Variants in PPIB observed in about 807,000 individuals in gnomAD.
The protein encoded by PPIB is peptidyl-prolyl cis-trans isomerase B.
PPIB carries 15 observed loss-of-function variants against 20.1 expected under a neutral mutation model. The observed-to-expected ratio is 0.75, with a 90% CI of 0.50 to 1.15. The LOEUF (loss-of-function observed/expected upper bound fraction) is 1.15, where lower values mean the gene tolerates loss of function less well. Among genes scored for constraint, PPIB ranks in the 50% most tolerant of loss-of-function variants. The pLI is 0.00. For missense variants in PPIB, 278 were observed against 283.0 expected (o/e 0.98, Z 0.13); for synonymous variants, 129 against 111.0 (o/e 1.16, Z -1.02).
rs144878175 is a variant in PPIB at position 64,159,620 on chromosome 15, T to G, written c.343+484A>C. The G allele has an allele frequency of 1.2e-4, 25 of 201,614 alleles. No homozygotes were observed. Among genetic ancestry groups the G allele is most frequent in the South Asian group, 4.2e-4 (5 of 11,872 alleles). 12.5% of individuals were successfully genotyped at this position (201,614 alleles called of 1,614,324 possible). A position where few individuals can be genotyped will look rare whatever the true frequency, so the allele number is the denominator to read the frequency against. ...TTTCAACATGTTGGCCAGGCTGGTC[T>G]TGAACTCCTGGCCTCAAGTGATCCA... On this transcript the variant is annotated intron_variant, in intron 3 of 4. Coordinates refer to ENST00000300026, the MANE Select transcript of PPIB (RefSeq NM_000942.5). The surrounding 1 kb of genome is among the most constrained non-coding windows in gnomAD (Gnocchi z 5.1).
chr15:64,156,575 A>G lies in PPIB; in HGVS notation c.528+150T>C. 1.0e-6 allele frequency: 1 copy of G among 982,500 alleles called. No individual in the cohort carries two copies. Among genetic ancestry groups the G allele is most frequent in the East Asian group, 2.4e-5 (1 of 41,910 alleles). The allele number at this position is 982,500 out of a possible 1,614,324, so 60.9% of individuals were successfully genotyped here. On this transcript the variant is annotated intron_variant, in intron 4 of 4. Coordinates refer to ENST00000300026, the MANE Select transcript of PPIB (RefSeq NM_000942.5). The surrounding 1 kb of genome is among the most constrained non-coding windows in gnomAD (Gnocchi z 6.4). ...TTTAGAACCTTGGAGGCATGGAGGT[A>G]CAGGGTTTATTCTGGACAGGAGCAC...
In PPIB at chr15:64,159,402, CTTTT is replaced by C. The variant is rs1224378544; in HGVS notation, c.343+698_343+701del. 6.5e-6 allele frequency: 1 copy of C among 153,376 alleles called. No homozygotes were observed. Among genetic ancestry groups the C allele is most frequent in the South Asian group, 2.1e-4 (1 of 4,878 alleles). The allele number at this position is 153,376 out of a possible 1,614,324, so 9.5% of individuals were successfully genotyped here. A position where few individuals can be genotyped will look rare whatever the true frequency, so the allele number is the denominator to read the frequency against. On this transcript the variant is annotated intron_variant, in intron 3 of 4. Transcript: ENST00000300026. This position sits in a 1 kb window ranked among gnomAD's most constrained non-coding sequence, Gnocchi z 5.1. Reference sequence around the variant, plus strand: ...GTCAAGGAAAGTAACTGCTCCCACTCTTTTTTTTATTTTTTTGAGATGGAGTCTC... The same window carrying C: ...GTCAAGGAAAGTAACTGCTCCCACTCTTTTATTTTTTTGAGATGGAGTCTC...
At position 64,155,913 on chromosome 15, in the gene PPIB, A is replaced by T; in HGVS notation, c.*110T>A. The T allele has an allele frequency of 6.6e-7, 1 of 1,521,786 alleles. No individual in the cohort carries two copies. The highest frequency in any genetic ancestry group is 1.1e-5 in the South Asian group (1 of 88,934). The allele number at this position is 1,521,786 out of a possible 1,614,324, so 94.3% of individuals were successfully genotyped here. ...CCATGGGCCTGTGGAATGTGAGGGG[A>T]GTGGGTCCGCTCCACCAGATGCCAG... is the stretch of plus-strand genomic sequence containing the variant. On this transcript the variant is annotated 3_prime_UTR_variant, in exon 5 of 5. Transcript: ENST00000300026.
rs117511166 is a variant in PPIB, at chr15:64,161,865, G to A, written c.249+176C>T. ...ATTTTAAGTGTGAGCCACTGTGCCT[G>A]GTCAGGGCCCCATTACTCTTAAGAA... On this transcript the variant is annotated intron_variant, in intron 2 of 4. Transcript: ENST00000300026. This position sits in a 1 kb window ranked among gnomAD's most constrained non-coding sequence, Gnocchi z 4.2. Among the ~76,000 whole-genome samples, 36 of 152,266 alleles carry A rather than the reference G, an allele frequency of 2.4e-4. No homozygotes were observed. In the East Asian group the frequency reaches 6.9e-3, roughly 29 times the overall value.
Position 64,155,997 on chromosome 15 carries a change from C to T in PPIB, c.*26G>A, listed in dbSNP as rs927810757. ...GGACTACAGGGCCTGCACAGACGGT[C>T]ACTCAAAGAAAGATGTCCCTGTGCC... On this transcript the variant is annotated 3_prime_UTR_variant, in exon 5 of 5. Coordinates refer to ENST00000300026, the MANE Select transcript of PPIB (RefSeq NM_000942.5). 2.5e-6 allele frequency: 4 copies of T among 1,613,952 alleles called. No individual in the cohort carries two copies. The highest frequency in any genetic ancestry group is 3.4e-6 in the Non-Finnish European group (4 of 1,180,002).
chr15:64,156,261 A>T lies in PPIB; in HGVS notation c.529-116T>A, dbSNP rs41434449. ...AAGACCCACAAGTGATCAACAGCAC[A>T]CAAAACTGGAGGCACCAAAATTCTA... On this transcript the variant is annotated intron_variant, in intron 4 of 4. Coordinates refer to ENST00000300026, the MANE Select transcript of PPIB (RefSeq NM_000942.5). This position sits in a 1 kb window ranked among gnomAD's most constrained non-coding sequence, Gnocchi z 6.4. 0.11 allele frequency: 157,017 copies of T among 1,373,236 alleles called. 10,396 individuals are homozygous for T. The highest frequency in any genetic ancestry group is 0.13 in the Non-Finnish European group (132,035 of 985,552). The allele number at this position is 1,373,236 out of a possible 1,614,324, so 85.1% of individuals were successfully genotyped here. A position where few individuals can be genotyped will look rare whatever the true frequency, so the allele number is the denominator to read the frequency against.
At position 64,160,665 on chromosome 15, in the gene PPIB, A is replaced by C. The variant is rs567832936; in HGVS notation, c.250-468T>G. Among the ~76,000 whole-genome samples the C allele has an allele frequency of 2.0e-4, 30 of 152,204 alleles. No individual in the cohort carries two copies. Among genetic ancestry groups the C allele is most frequent in the African/African-American group, 7.0e-4 (29 of 41,530 alleles). On this transcript the variant is annotated intron_variant, in intron 2 of 4. Transcript: ENST00000300026. This position sits in a 1 kb window ranked among gnomAD's most constrained non-coding sequence, Gnocchi z 4.8. Reference sequence around the variant, plus strand: ...TTTAAATTTTATTATTATTTTTTTGAGACAGAGTTTCTCTCTTGTCACCCA... The same window carrying C: ...TTTAAATTTTATTATTATTTTTTTGCGACAGAGTTTCTCTCTTGTCACCCA...
In PPIB at chr15:64,160,438, A is replaced by G. The variant is rs2081558944; in HGVS notation, c.250-241T>C. 6.6e-6 allele frequency among the ~76,000 whole-genome samples: 1 copy of G among 152,198 alleles called. No homozygotes were observed. Among genetic ancestry groups the G allele is most frequent in the African/African-American group, 2.4e-5 (1 of 41,452 alleles). On this transcript the variant is annotated intron_variant, in intron 2 of 4. Transcript: ENST00000300026. The surrounding 1 kb of genome is among the most constrained non-coding windows in gnomAD (Gnocchi z 4.8). ...ATTCCCAAGCTTTATACAATTCTAC[A>G]TCACATAATGCTTTTCCCCTCATTT...
In PPIB at chr15:64,160,600, C is replaced by T. The variant is rs2081559403; in HGVS notation, c.250-403G>A. ...TGCCCTCACCCTAGGTGAAGTCTCC[C>T]CAGGAAGCTCTGGACCCCTTACTCT... On this transcript the variant is annotated intron_variant, in intron 2 of 4. Coordinates refer to ENST00000300026, the MANE Select transcript of PPIB (RefSeq NM_000942.5). This position sits in a 1 kb window ranked among gnomAD's most constrained non-coding sequence, Gnocchi z 4.8. Among the ~76,000 whole-genome samples, 1 of 152,184 alleles carries T rather than the reference C, an allele frequency of 6.6e-6. No individual in the cohort carries two copies. The highest frequency in any genetic ancestry group is 1.5e-5 in the Non-Finnish European group (1 of 68,028).
chr15:64,162,167 A>G lies in PPIB; in HGVS notation c.136-13T>C. On this transcript the variant is annotated splice_polypyrimidine_tract_variant and intron_variant, in intron 1 of 4. Transcript: ENST00000300026. ...GGTCAAAATACACCTGAGGAAAGAG[A>G]CCATTTCCAACTTAGCTTCTTTAAA... The G allele has an allele frequency of 6.3e-7, 1 of 1,584,242 alleles. No individual in the cohort carries two copies. The highest frequency in any genetic ancestry group is 1.7e-5 in the Admixed American group (1 of 59,974).
At position 64,158,313 on chromosome 15, in the gene PPIB, A is replaced by T. The variant is rs2081546961; in HGVS notation, c.344-1404T>A. ...AGCCAGAGACTGTTCCAAGCATCTT[A>T]CATATTTAACAATCCACTCTATGAG... On this transcript the variant is annotated intron_variant, in intron 3 of 4. Transcript: ENST00000300026. This position sits in a 1 kb window ranked among gnomAD's most constrained non-coding sequence, Gnocchi z 4.7. 6.6e-6 allele frequency among the ~76,000 whole-genome samples: 1 copy of T among 152,188 alleles called. No individual in the cohort carries two copies. The highest frequency in any genetic ancestry group is 1.5e-5 in the Non-Finnish European group (1 of 68,026).
Position 64,163,021 on chromosome 15 carries a change from A to T in PPIB, c.-35T>A, listed in dbSNP as rs955708072. On this transcript the variant is annotated 5_prime_UTR_variant, in exon 1 of 5. Transcript: ENST00000300026. ...GAGGCGAAAGCAGCCCGGACAGCTGAGGCCGGAAGAGGGTGGGGCCGCGGT... is the reference window on the plus strand; with the variant it reads ...GAGGCGAAAGCAGCCCGGACAGCTGTGGCCGGAAGAGGGTGGGGCCGCGGT... 10 of 1,492,236 alleles carry T rather than the reference A, an allele frequency of 6.7e-6. No individual in the cohort carries two copies. Among genetic ancestry groups the T allele is most frequent in the Non-Finnish European group, 9.1e-6 (10 of 1,103,860 alleles). The allele number at this position is 1,492,236 out of a possible 1,614,324, so 92.4% of individuals were successfully genotyped here. A position where few individuals can be genotyped will look rare whatever the true frequency, so the allele number is the denominator to read the frequency against.
rs542911687 is a variant in PPIB at position 64,160,295 on chromosome 15, G to A, written c.250-98C>T. The A allele has an allele frequency of 4.2e-4, 415 of 988,158 alleles. No individual in the cohort carries two copies. Among genetic ancestry groups the A allele is most frequent in the Non-Finnish European group, 6.3e-4 (394 of 624,320 alleles). The allele number at this position is 988,158 out of a possible 1,614,324, so 61.2% of individuals were successfully genotyped here. A position where few individuals can be genotyped will look rare whatever the true frequency, so the allele number is the denominator to read the frequency against. On this transcript the variant is annotated intron_variant, in intron 2 of 4. Coordinates refer to ENST00000300026, the MANE Select transcript of PPIB (RefSeq NM_000942.5). This position sits in a 1 kb window ranked among gnomAD's most constrained non-coding sequence, Gnocchi z 4.8. ...AGGAACAAGTCCACAACTCCTGCTC[G>A]CAGAAGAGACACCACTGCTGACCAC...
In PPIB at chr15:64,159,842, G is replaced by C. The variant is rs972527057; in HGVS notation, c.343+262C>G. 1.8e-6 allele frequency: 1 copy of C among 571,276 alleles called. No individual in the cohort carries two copies. Among genetic ancestry groups the C allele is most frequent in the Non-Finnish European group, 3.1e-6 (1 of 318,754 alleles). The allele number at this position is 571,276 out of a possible 1,614,324, so 35.4% of individuals were successfully genotyped here. ...GAAGAGGTATCAGGAAAGGTCACCAGGCTATAGGCCTGGATCAGCAGGACG... is the reference window on the plus strand; with the variant it reads ...GAAGAGGTATCAGGAAAGGTCACCACGCTATAGGCCTGGATCAGCAGGACG... On this transcript the variant is annotated intron_variant, in intron 3 of 4. Coordinates refer to ENST00000300026, the MANE Select transcript of PPIB (RefSeq NM_000942.5). This position sits in a 1 kb window ranked among gnomAD's most constrained non-coding sequence, Gnocchi z 5.1.
chr15:64,160,055 T>G lies in PPIB; in HGVS notation c.343+49A>C. ...CCCCAGCAGAACCTGGCCCTCCCAC[T>G]GTGGAGGCTACACTGACATACTCCT... On this transcript the variant is annotated intron_variant, in intron 3 of 4. Coordinates refer to ENST00000300026, the MANE Select transcript of PPIB (RefSeq NM_000942.5). The surrounding 1 kb of genome is among the most constrained non-coding windows in gnomAD (Gnocchi z 4.8). 6.7e-7 allele frequency: 1 copy of G among 1,499,378 alleles called. No individual in the cohort carries two copies. 92.9% of individuals were successfully genotyped at this position (1,499,378 alleles called of 1,614,324 possible).
chr15:64,158,160 T>G lies in PPIB; in HGVS notation c.344-1251A>C, dbSNP rs150852091. Reference sequence around the variant, plus strand: ...CATCTTTCTCTCCAGACCTCAGTTATTCTTTTGACCCCTTTTCCTCTGCAC... The same window carrying G: ...CATCTTTCTCTCCAGACCTCAGTTAGTCTTTTGACCCCTTTTCCTCTGCAC... On this transcript the variant is annotated intron_variant, in intron 3 of 4. Transcript: ENST00000300026. The surrounding 1 kb of genome is among the most constrained non-coding windows in gnomAD (Gnocchi z 4.7). Among the ~76,000 whole-genome samples, 4 of 152,350 alleles carry G rather than the reference T, an allele frequency of 2.6e-5. No individual in the cohort carries two copies. In the East Asian group the frequency reaches 7.7e-4, roughly 29 times the overall value.
In PPIB at chr15:64,156,380, TGAG is replaced by T. The variant is rs1335063170; in HGVS notation, c.529-238_529-236del. Reference sequence around the variant, plus strand: ...AGTAAGACCCAGGTTGGGCCAAGGGTGAGGAGGAGGAAGAGGGTGACCAGGGCA... The same window carrying T: ...AGTAAGACCCAGGTTGGGCCAAGGGTGAGGAGGAAGAGGGTGACCAGGGCA... On this transcript the variant is annotated intron_variant, in intron 4 of 4. Transcript: ENST00000300026. The surrounding 1 kb of genome is among the most constrained non-coding windows in gnomAD (Gnocchi z 6.4). 3.1e-6 allele frequency: 2 copies of T among 651,560 alleles called. No individual in the cohort carries two copies. The highest frequency in any genetic ancestry group is 1.8e-5 in the African/African-American group (1 of 55,242). 40.4% of individuals were successfully genotyped at this position (651,560 alleles called of 1,614,324 possible).
In PPIB at chr15:64,160,287, TC is replaced by T; in HGVS notation, c.250-91del. ...GGCCTCACAGGAACAAGTCCACAAC[TC>T]CTGCTCGCAGAAGAGACACCACTGC... On this transcript the variant is annotated intron_variant, in intron 2 of 4. Transcript: ENST00000300026. The surrounding 1 kb of genome is among the most constrained non-coding windows in gnomAD (Gnocchi z 4.8). The T allele has an allele frequency of 9.5e-7, 1 of 1,053,554 alleles. No homozygotes were observed. The highest frequency in any genetic ancestry group is 1.5e-6 in the Non-Finnish European group (1 of 679,496). The allele number at this position is 1,053,554 out of a possible 1,614,324, so 65.3% of individuals were successfully genotyped here.
chr15:64,158,554 T>C lies in PPIB; in HGVS notation c.343+1550A>G, dbSNP rs28720188. 0.012 allele frequency among the ~76,000 whole-genome samples: 1,824 copies of C among 152,274 alleles called. 37 individuals carry two copies. The highest frequency in any genetic ancestry group is 0.042 in the African/African-American group (1,752 of 41,556). The stretch of plus-strand genomic sequence containing the variant: ...CCTGCCCTAGCCTCCACATCCTGGA[T>C]CTGCCACCACATGACTCCCCTGGCA... On this transcript the variant is annotated intron_variant, in intron 3 of 4. Coordinates refer to ENST00000300026, the MANE Select transcript of PPIB (RefSeq NM_000942.5). The surrounding 1 kb of genome is among the most constrained non-coding windows in gnomAD (Gnocchi z 4.7).
Sources: gnomAD v4.1 joint callset for allele counts (sites outside exome capture counted in the v4.1 genomes callset) on GRCh38, gnomAD v4.1.1 for gene constraint, Gnocchi (gnomAD v3.1) non-coding constraint, MANE v1.5 for transcripts, NCBI Gene and HGNC (gene_info 2026-07-23, HGNC 2026-07-21) for gene names.